The following NFIL3 variants were observed in gnomAD, a reference collection of about 807,000 sequenced individuals.
NFIL3 encodes nuclear factor, interleukin 3 regulated.
Under a neutral mutation model 10.0 loss-of-function variants are expected in NFIL3, and 5 were observed. The observed-to-expected ratio is 0.50, with a 90% confidence interval of 0.26 to 1.06. The LOEUF is 1.06. Ranked by LOEUF, NFIL3 falls within the 50% of genes least tolerant of loss-of-function variation. The pLI, the probability that NFIL3 is intolerant of heterozygous loss-of-function variation, is 0.13. For synonymous variants in NFIL3, 202 were observed against 206.5 expected (o/e 0.98, Z 0.19); for missense variants, 436 against 547.6 (o/e 0.80, Z 2.03).
At chr9:91,440,188 C>CT in the NFIL3 span, among the ~76,000 whole-genome samples, 1 of 152,060 alleles carries the variant, frequency 6.6e-6, no homozygotes, top group South Asian at 2.1e-4. Context: ...TCTTCAATCT[C>CT]TTTGTTATTA....
chr9:91,453,886 T>C, the NFIL3 span, among the ~76,000 whole-genome samples: 4 of 152,038 alleles, frequency 2.6e-5, no homozygotes. Flanking sequence ...CATTAGTTTT[T>C]GACATGGAAA....
the NFIL3 span, among the ~76,000 whole-genome samples, chr9:91,480,389 A>G: frequency 1.3e-5 from 2 of 152,206 alleles, no homozygotes; most frequent in Admixed American, 6.5e-5. Context: ...CCAAGAGAGC[A>G]TAAACATGAA....
chr9:91,464,330 T>C, the NFIL3 span, among the ~76,000 whole-genome samples: 1 of 152,068 alleles, frequency 6.6e-6, no homozygotes, highest in East Asian at 1.9e-4. Flanking sequence ...TTTTTAGTGG[T>C]TGTCCTAGAG....
chr9:91,416,589 T>G (rs1245135178), intron 1 of NFIL3, among the ~76,000 whole-genome samples: 1 of 152,230 alleles, frequency 6.6e-6, no homozygotes, highest in African/African-American at 2.4e-5. Flanking sequence ...TTCAGCACGA[T>G]TAACTTCATT....
chr9:91,451,395 A>G, the NFIL3 span, among the ~76,000 whole-genome samples: 44 of 152,146 alleles, frequency 2.9e-4, no homozygotes, highest in Non-Finnish European at 5.9e-4. Context: ...ATACCCTTCC[A>G]TGTGTTTTGA....
the NFIL3 span, among the ~76,000 whole-genome samples, chr9:91,455,877 T>A: frequency 6.6e-6 from 1 of 152,142 alleles, no homozygotes; most frequent in African/African-American, 2.4e-5. Flanking sequence ...AATTGCAACC[T>A]CCAGCATAAG....
the NFIL3 span, among the ~76,000 whole-genome samples, chr9:91,455,941 A>G: frequency 1.3e-5 from 2 of 152,092 alleles, no homozygotes; most frequent in Admixed American, 6.6e-5. Context: ...CCTCCCCCTT[A>G]CCCTCACCCA....
At chr9:91,423,615 G>C (rs1833815723) in intron 1 of NFIL3, 25 bp downstream of exon 1, 1 of 146,252 alleles carries the variant, frequency 6.8e-6, no homozygotes, top group African/African-American at 2.5e-5. Context: ...CCGGGCCCCC[G>C]GCCGGCGGTG....
chr9:91,442,521 AC>A, the NFIL3 span, among the ~76,000 whole-genome samples: 1 of 151,944 alleles, frequency 6.6e-6, no homozygotes, highest in Non-Finnish European at 1.5e-5. Context: ...TGTAACCTAT[AC>A]CTGCCAAGGG....
the NFIL3 span, among the ~76,000 whole-genome samples, chr9:91,456,026 G>GAAGAGA: frequency 2.6e-5 from 4 of 152,140 alleles, no homozygotes; most frequent in Non-Finnish European, 4.4e-5. Context: ...TCATGTAAGG[G>GAAGAGA]AAACCACACA....
chr9:91,411,699 T>A (rs1327156065), intron 1 of NFIL3, among the ~76,000 whole-genome samples: 2 of 152,336 alleles, frequency 1.3e-5, no homozygotes, highest in South Asian at 4.1e-4. Flanking sequence ...TTCCTTTGAA[T>A]TTGTTCTATC....
At chr9:91,413,528 G>A (rs1006459745) in intron 1 of NFIL3, among the ~76,000 whole-genome samples, 1 of 152,186 alleles carries the variant, frequency 6.6e-6, no homozygotes, top group African/African-American at 2.4e-5. Context: ...TGGGATTACA[G>A]GCATGAGCCA....
chr9:91,471,034 G>T, the NFIL3 span, among the ~76,000 whole-genome samples: 4 of 152,154 alleles, frequency 2.6e-5, no homozygotes, highest in Admixed American at 2.6e-4. Context: ...TGTCTGTTAG[G>T]TCTGCTTGGT....
chr9:91,447,324 A>T, the NFIL3 span, among the ~76,000 whole-genome samples: 2 of 152,140 alleles, frequency 1.3e-5, no homozygotes, highest in Non-Finnish European at 2.9e-5. Flanking sequence ...TCCTGCTTTC[A>T]ATTCCTTTGG....
the NFIL3 span, among the ~76,000 whole-genome samples, chr9:91,468,408 T>A: frequency 6.6e-6 from 1 of 152,214 alleles, no homozygotes; most frequent in African/African-American, 2.4e-5. Context: ...TGTAAATTTG[T>A]TTGAGTTCTT....
the NFIL3 span, among the ~76,000 whole-genome samples, chr9:91,433,364 A>G: frequency 6.6e-6 from 1 of 152,206 alleles, no homozygotes; most frequent in African/African-American, 2.4e-5. Flanking sequence ...TCTGAAGGTT[A>G]TGGTGAGGAT....
chr9:91,470,831 T>C, the NFIL3 span, among the ~76,000 whole-genome samples: 1 of 152,210 alleles, frequency 6.6e-6, no homozygotes, highest in East Asian at 1.9e-4. Context: ...TGTGTGGTTT[T>C]GAGTGAGTTT....
intron 1 of NFIL3, among the ~76,000 whole-genome samples, chr9:91,422,448 T>C (rs142780205): frequency 5.7e-4 from 65 of 114,532 alleles, no homozygotes; most frequent in Non-Finnish European, 6.5e-4. Context: ...TCTACTTTCC[T>C]GTTTAAAATA....
the NFIL3 span, among the ~76,000 whole-genome samples, chr9:91,475,632 A>C: frequency 6.6e-6 from 1 of 152,246 alleles, no homozygotes; most frequent in South Asian, 2.1e-4. Flanking sequence ...TTAATAAAAT[A>C]TTGCAAAATG....
Sources: gnomAD v4.1 joint callset for allele counts (sites outside exome capture counted in the v4.1 genomes callset) on GRCh38, gnomAD v4.1.1 for gene constraint, MANE v1.5 for transcripts, NCBI Gene and HGNC (gene_info 2026-07-23, HGNC 2026-07-21) for gene names.